MACC1: variants seen among roughly 807,000 people sequenced by gnomAD.
The protein encoded by MACC1 is MET transcriptional regulator MACC1.
In MACC1, 79 loss-of-function variants were observed where a neutral mutation model predicts 70.7. The observed-to-expected ratio is 1.12, with a 90% CI of 0.93 to 1.35. The LOEUF is 1.35. MACC1 is among the 40% of genes most tolerant of loss of function. MACC1 has a pLI of 0.00. For synonymous variants in MACC1, 361 were observed against 347.2 expected (o/e 1.04, Z -0.44); for missense variants, 1,106 against 978.1 (o/e 1.13, Z -1.74).
chr7:20,204,459 A>G (rs1173314004), intron 1 of MACC1, among the ~76,000 whole-genome samples: 1 of 152,140 alleles, frequency 6.6e-6, no homozygotes, highest in Non-Finnish European at 1.5e-5. Context: ...GGCCTGCTCA[A>G]TTCTTTAGGA....
chr7:20,215,308 G>C (rs185183986), intron 1 of MACC1, among the ~76,000 whole-genome samples: 1 of 152,244 alleles, frequency 6.6e-6, no homozygotes, highest in African/African-American at 2.4e-5. Flanking sequence ...CAAGGGCTGT[G>C]CATGAGTTTC....
intron 1 of MACC1, among the ~76,000 whole-genome samples, chr7:20,209,857 G>A (rs1461586343): frequency 3.9e-5 from 6 of 152,092 alleles, no homozygotes; most frequent in Admixed American, 3.9e-4. Context: ...TTGAATCATG[G>A]GGGCAGTTCC....
At chr7:20,203,054 T>C (rs558718027) in intron 1 of MACC1, among the ~76,000 whole-genome samples, 1 of 152,216 alleles carries the variant, frequency 6.6e-6, no homozygotes, top group African/African-American at 2.4e-5. Context: ...AATTTATTCA[T>C]TGGGGGAAAT....
intron 2 of MACC1, among the ~76,000 whole-genome samples, chr7:20,165,877 C>A (rs1782210394): frequency 6.6e-6 from 1 of 151,992 alleles, no homozygotes; most frequent in African/African-American, 2.4e-5. Flanking sequence ...CAAAGTTTTG[C>A]CCTTATTTAT....
intron 6 of MACC1, among the ~76,000 whole-genome samples, chr7:20,145,898 G>T (rs556812828): frequency 7.2e-4 from 110 of 152,238 alleles, no homozygotes; most frequent in African/African-American, 2.5e-3. Context: ...GGTGGCTCAC[G>T]CAAGTAATCC....
intron 1 of MACC1, among the ~76,000 whole-genome samples, chr7:20,175,897 T>G (rs1782384434): frequency 6.6e-6 from 1 of 152,054 alleles, no homozygotes; most frequent in South Asian, 2.1e-4. Flanking sequence ...GGAACAATAA[T>G]AAAAATATTT....
At chr7:20,161,724 C>A (rs781547415) in intron 4 of MACC1, 24 bp downstream of exon 4, 6 of 1,422,946 alleles carry the variant, frequency 4.2e-6, no homozygotes, top group African/African-American at 1.4e-5. Context: ...ATGGACAAAT[C>A]ACAACAGTTA....
chr7:20,216,216 C>T (rs1783068212), intron 1 of MACC1, among the ~76,000 whole-genome samples: 2 of 152,054 alleles, frequency 1.3e-5, no homozygotes, highest in Non-Finnish European at 2.9e-5. Flanking sequence ...ATTAGACCCA[C>T]TGAATATAGA....
intron 6 of MACC1, among the ~76,000 whole-genome samples, chr7:20,144,884 A>G (rs1443832516): frequency 6.6e-6 from 1 of 152,228 alleles, no homozygotes; most frequent in East Asian, 1.9e-4. Context: ...AGAGAGAAAT[A>G]GACGCAATAA....
chr7:20,183,259 G>A (rs1332568047), intron 1 of MACC1, among the ~76,000 whole-genome samples: 1 of 152,202 alleles, frequency 6.6e-6, no homozygotes, highest in Non-Finnish European at 1.5e-5. Context: ...GAAGACTGAG[G>A]GATATGAGCA....
In MACC1 at chr7:20,141,727, G is replaced by A. The variant is rs73082507; in HGVS notation, c.2347-569C>T. 2.6e-3 allele frequency among the ~76,000 whole-genome samples: 388 copies of A among 151,794 alleles called. 1 individual carries two copies. Among genetic ancestry groups the A allele is most frequent in the Middle Eastern group, 6.8e-3 (2 of 294 alleles). On this transcript the variant is annotated intron_variant, in intron 6 of 6. Transcript: ENST00000400331. ...TTATTTCATGATATATTTTATCATC[G>A]AAAGAAAAACCAATACTCAGTGCTG... is the stretch of plus-strand genomic sequence containing the variant.
In MACC1 at chr7:20,190,792, T is replaced by G. The variant is rs180705658; in HGVS notation, c.-217-20014A>C. ...ACAGAATAATCAGTGGACATATTCC[T>G]GTGACTTCAGCTGTTATAAAATGCA... is the stretch of plus-strand genomic sequence containing the variant. On this transcript the variant is annotated intron_variant, in intron 1 of 6. Coordinates refer to ENST00000400331, the MANE Select transcript of MACC1 (RefSeq NM_182762.4). Among the ~76,000 whole-genome samples, 8 of 152,384 alleles carry G rather than the reference T, an allele frequency of 5.2e-5. No individual in the cohort carries two copies. In the East Asian group the frequency reaches 1.5e-3, roughly 29 times the overall value.
At chr7:20,191,558 G>A (rs150491367) in intron 1 of MACC1, among the ~76,000 whole-genome samples, 130 of 152,256 alleles carry the variant, frequency 8.5e-4, no homozygotes, top group African/African-American at 2.1e-3. Flanking sequence ...GAGTGCCACT[G>A]GACAGGGGCT....
Position 20,158,362 on chromosome 7 carries a change from A to C in MACC1, c.1999T>G (p.Leu667Val). 1.2e-6 allele frequency: 2 copies of C among 1,613,856 alleles called. No homozygotes were observed. Among genetic ancestry groups the C allele is most frequent in the Non-Finnish European group, 1.7e-6 (2 of 1,179,968 alleles). Residue 667 changes from leucine to valine, a missense_variant, in exon 5 of 7, where the codon TTA becomes GTA. Physicochemically the swap from Leu to Val is conservative, Grantham distance 32. Coordinates refer to ENST00000400331, the MANE Select transcript of MACC1 (RefSeq NM_182762.4). ...VSEKVYDWKV[L>V]ADVLGYSHLS... ...TGTGAGTAACCCAGGACATCAGCTA[A>C]AACTTTCCAATCATAAACTTTTTCT...
chr7:20,184,117 C>G (rs1033891797), intron 1 of MACC1, among the ~76,000 whole-genome samples: 1 of 152,176 alleles, frequency 6.6e-6, no homozygotes, highest in Admixed American at 6.5e-5. Context: ...TCTCAACTCT[C>G]AAACACACTT....
At chr7:20,155,958 A>G (rs1179117079) in intron 5 of MACC1, among the ~76,000 whole-genome samples, 3 of 152,210 alleles carry the variant, frequency 2.0e-5, no homozygotes, top group Non-Finnish European at 4.4e-5. Context: ...CATGCATCAC[A>G]CAGTATCTCT....
intron 6 of MACC1, chr7:20,150,298 G>C (rs1398206932): frequency 6.6e-6 from 1 of 152,140 alleles, no homozygotes; most frequent in Non-Finnish European, 1.5e-5. Context: ...TAAGTATATG[G>C]ATGAATTAAA....
chr7:20,152,168 C>T (rs563422165), intron 6 of MACC1, among the ~76,000 whole-genome samples: 78 of 152,110 alleles, frequency 5.1e-4, no homozygotes, highest in African/African-American at 1.8e-3. Context: ...AGAAAGTAAG[C>T]GAAACAGCTC....
chr7:20,161,432 G>C (rs542336467), intron 4 of MACC1, among the ~76,000 whole-genome samples: 4 of 152,002 alleles, frequency 2.6e-5, no homozygotes, highest in South Asian at 4.1e-4. Context: ...CTGAGGATCA[G>C]GTTAATTTTT....
Sources: allele counts gnomAD v4.1 joint callset (sites outside exome capture counted in the v4.1 genomes callset), GRCh38; gene constraint gnomAD v4.1.1; transcripts MANE v1.5; gene names NCBI Gene and HGNC (gene_info 2026-07-23, HGNC 2026-07-21).